The following THADA variants were observed in gnomAD, a reference collection of about 807,000 sequenced individuals.
THADA encodes the protein tRNA (32-2'-O)-methyltransferase regulator THADA.
Under a neutral mutation model 219.8 loss-of-function variants are expected in THADA, and 213 were observed. The ratio of observed to expected loss-of-function variants is 0.97; its 90% confidence interval spans 0.87 to 1.09. The LOEUF (loss-of-function observed/expected upper bound fraction) is 1.09. Among genes scored for constraint, THADA ranks in the 50% least tolerant of loss-of-function variants. The pLI is 0.00. For missense variants in THADA, 2,956 were observed against 2,311.3 expected, an observed-to-expected ratio of 1.28 and a Z score of -5.72; for synonymous variants, 1,018 against 828.9, an observed-to-expected ratio of 1.23 and a Z score of -3.92.
chr2:43,284,012 C>G (rs1263606652), intron 35 of THADA, among the ~76,000 whole-genome samples: 1 of 152,150 alleles, frequency 6.6e-6, no homozygotes, highest in East Asian at 1.9e-4. Flanking sequence ...AACCCTGTCT[C>G]TACTAAAAGT....
rs191889552 is a variant in THADA, at chr2:43,285,501, T to G, written c.5164+1407A>C. ...CCTGAGGCCTCCCAGCCATGCTTCC[T>G]GTTAAGACTATGGAACTGTGAGTCA... On this transcript the variant is annotated intron_variant, in intron 35 of 37. Coordinates refer to ENST00000405975, the MANE Select transcript of THADA (RefSeq NM_022065.5). 2.6e-5 allele frequency among the ~76,000 whole-genome samples: 4 copies of G among 152,258 alleles called. 1 individual carries two copies. The highest frequency in any genetic ancestry group is 9.6e-5 in the African/African-American group (4 of 41,542).
At chr2:43,277,655 A>G (rs1219709943) in intron 36 of THADA, among the ~76,000 whole-genome samples, 1 of 152,242 alleles carries the variant, frequency 6.6e-6, no homozygotes, top group African/African-American at 2.4e-5. Flanking sequence ...CTTCGAGGAA[A>G]ACTGAGAAGT....
At chr2:43,287,172 T>C (rs888098566) in intron 34 of THADA, 111 bp from the exon 35 acceptor site, 82 of 962,266 alleles carry the variant, frequency 8.5e-5, no homozygotes, top group Admixed American at 2.9e-5. Context: ...CTTAGCTCAA[T>C]GGGAAGAAAG....
intron 36 of THADA, among the ~76,000 whole-genome samples, chr2:43,246,519 C>A (rs549529316): frequency 0.028 from 4,180 of 149,204 alleles, 191 homozygotes; most frequent in African/African-American, 0.095. Flanking sequence ...AACAAACAAA[C>A]AAAAAAAAAC....
In THADA at chr2:43,413,264, G is replaced by C. The variant is rs148591239; in HGVS notation, c.4058+14836C>G. Among the ~76,000 whole-genome samples, 4 of 151,890 alleles carry C rather than the reference G, an allele frequency of 2.6e-5. No homozygotes were observed. In the East Asian group the frequency reaches 7.7e-4, roughly 29 times the overall value. ...ATGTTACCAGGTAACATGTTTGCAG[G>C]GTCTGAGAAGTTTCTTGGCTTGATG... On this transcript the variant is annotated intron_variant, in intron 28 of 37. Coordinates refer to ENST00000405975, the MANE Select transcript of THADA (RefSeq NM_022065.5).
At chr2:43,413,814 TA>T (rs2104767631) in intron 28 of THADA, among the ~76,000 whole-genome samples, 1 of 152,322 alleles carries the variant, frequency 6.6e-6, no homozygotes, top group Non-Finnish European at 1.5e-5. Context: ...AATGGATACA[TA>T]ATGCTTTATA....
intron 30 of THADA, among the ~76,000 whole-genome samples, chr2:43,330,224 C>T (rs13384080): frequency 0.25 from 37,558 of 152,122 alleles, 5,413 homozygotes; most frequent in African/African-American, 0.4. Flanking sequence ...GCAGAGCCTG[C>T]GGACTGGTGA....
chr2:43,572,822 G>T lies in THADA; in HGVS notation c.1900C>A (p.His634Asn). Residue 634 changes from histidine to asparagine, a missense_variant, in exon 12 of 38, where the codon CAT becomes AAT. Coordinates refer to ENST00000405975, the MANE Select transcript of THADA (RefSeq NM_022065.5). ...ARIKQGLIHQHCQVRIDTLGL... is the reference protein window; with the variant it reads ...ARIKQGLIHQNCQVRIDTLGL... ...TAATTTTCTTTACTTACTTGGCAAT[G>T]CTGATGAATTAAGCCTTGCTTTATT... 2 of 1,613,468 alleles carry T rather than the reference G, an allele frequency of 1.2e-6. No homozygotes were observed. The highest frequency in any genetic ancestry group is 1.1e-5 in the South Asian group (1 of 91,006).
chr2:43,380,289 T>C (rs1671845647), intron 29 of THADA, among the ~76,000 whole-genome samples: 1 of 152,180 alleles, frequency 6.6e-6, no homozygotes, highest in African/African-American at 2.4e-5. Flanking sequence ...ACCGTAAGAC[T>C]AAAGACAAAA....
At chr2:43,298,005 G>C (rs1237036714) in intron 31 of THADA, among the ~76,000 whole-genome samples, 1 of 112,114 alleles carries the variant, frequency 8.9e-6, no homozygotes, top group East Asian at 2.1e-4. Context: ...AGTGTGGGGG[G>C]GGTCAGCCCC....
chr2:43,309,613 C>T (rs924257627), intron 31 of THADA, among the ~76,000 whole-genome samples: 1 of 151,976 alleles, frequency 6.6e-6, no homozygotes, highest in African/African-American at 2.4e-5. Flanking sequence ...GTGGTAAAAG[C>T]ACTCAACAAA....
intron 20 of THADA, among the ~76,000 whole-genome samples, chr2:43,542,484 G>A (rs919863897): frequency 6.6e-6 from 1 of 152,112 alleles, no homozygotes; most frequent in African/African-American, 2.4e-5. Context: ...GGAGAATGTA[G>A]AATATGTAAT....
chr2:43,556,596 T>A (rs1304023445), intron 16 of THADA, 41 bp from the exon 17 acceptor site: 1 of 1,555,578 alleles, frequency 6.4e-7, no homozygotes, highest in Non-Finnish European at 8.8e-7. Context: ...AAATTAAAGA[T>A]CTCTTTAATT....
intron 28 of THADA, 131 bp downstream of exon 28, chr2:43,427,969 A>T (rs1678705328): frequency 2.2e-6 from 1 of 454,330 alleles, no homozygotes; most frequent in African/African-American, 2.1e-5. Flanking sequence ...AAACAAACAA[A>T]CAAACAAATA....
chr2:43,507,160 T>TA (rs1285022952), intron 23 of THADA, among the ~76,000 whole-genome samples: 2 of 151,842 alleles, frequency 1.3e-5, no homozygotes, highest in Admixed American at 6.6e-5. Flanking sequence ...AGCAGATTTT[T>TA]AAAAAAAAAT....
At chr2:43,473,679 G>A (rs1685186096) in intron 26 of THADA, among the ~76,000 whole-genome samples, 1 of 151,986 alleles carries the variant, frequency 6.6e-6, no homozygotes, top group Non-Finnish European at 1.5e-5. Context: ...CGCGATCTTG[G>A]CTCACCACAA....
Position 43,551,927 on chromosome 2 carries a change from T to C in THADA, c.2811-2A>G. ...CACTCGCTCACCAACTGCAGGCTGC[T>C]GCAACAAGGACATTAGGGAAATTTA... On this transcript the variant is annotated splice_acceptor_variant, in intron 18 of 37. Transcript: ENST00000405975. LOFTEE classifies it high-confidence loss of function. 2 of 1,604,662 alleles carry C rather than the reference T, an allele frequency of 1.2e-6. No individual in the cohort carries two copies. The highest frequency in any genetic ancestry group is 1.7e-6 in the Non-Finnish European group (2 of 1,177,554).
chr2:43,540,450 T>G (rs1695151098), intron 21 of THADA, among the ~76,000 whole-genome samples: 1 of 152,238 alleles, frequency 6.6e-6, no homozygotes, highest in South Asian at 2.1e-4. Context: ...GTTCTTGAAT[T>G]GTAACACCCT....
At chr2:43,315,005 T>C (rs1188981015) in intron 31 of THADA, among the ~76,000 whole-genome samples, 1 of 152,236 alleles carries the variant, frequency 6.6e-6, no homozygotes, top group East Asian at 1.9e-4. Context: ...TTCACTGTTT[T>C]TCTCCTTGTT....
Sources: gnomAD v4.1 joint callset for allele counts (sites outside exome capture counted in the v4.1 genomes callset) on GRCh38, gnomAD v4.1.1 for gene constraint, MANE v1.5 for transcripts, NCBI Gene and HGNC (gene_info 2026-07-23, HGNC 2026-07-21) for gene names.